Variants in PTPRN2 observed in about 807,000 individuals in gnomAD.
PTPRN2 encodes the protein protein tyrosine phosphatase receptor type N2, also known as receptor-type tyrosine-protein phosphatase N2.
In PTPRN2, 74 loss-of-function variants were observed where a neutral mutation model predicts 118.8. The ratio of observed to expected loss-of-function variants is 0.62; its 90% CI spans 0.52 to 0.76. PTPRN2 has a LOEUF of 0.76. Among genes scored for constraint, PTPRN2 ranks in the 30% least tolerant of loss-of-function variants. The probability of loss-of-function intolerance (pLI) is 0.00; values close to 1 mark genes in which losing one functional copy is unlikely to be tolerated. For missense variants in PTPRN2, 1,481 were observed against 1,394.4 expected (o/e 1.06, Z -0.99); for synonymous variants, 641 against 608.0 (o/e 1.05, Z -0.80).
chr7:158,235,752 G>A (rs1353201598), intron 3 of PTPRN2, among the ~76,000 whole-genome samples: 3 of 152,028 alleles, frequency 2.0e-5, no homozygotes, highest in African/African-American at 7.2e-5. Context: ...ACTGTTCCTG[G>A]CACAAAGAAA....
At chr7:157,691,077 C>G (rs1489371648) in intron 12 of PTPRN2, among the ~76,000 whole-genome samples, 1 of 122,320 alleles carries the variant, frequency 8.2e-6, no homozygotes. Context: ...TCCCCCCCCC[C>G]CCCCACATGT....
At chr7:157,693,089 C>A (rs1200366824) in intron 12 of PTPRN2, among the ~76,000 whole-genome samples, 1 of 148,820 alleles carries the variant, frequency 6.7e-6, no homozygotes, top group African/African-American at 2.5e-5. Flanking sequence ...GGCGGGGGGC[C>A]GGAGACGGCG....
chr7:157,572,590 C>T (rs1275738680), intron 19 of PTPRN2, among the ~76,000 whole-genome samples: 1 of 152,186 alleles, frequency 6.6e-6, no homozygotes, highest in Non-Finnish European at 1.5e-5. Flanking sequence ...TACGGCGGAG[C>T]CCAAACCACA....
At chr7:158,183,429 C>T (rs920574046) in intron 5 of PTPRN2, among the ~76,000 whole-genome samples, 1 of 152,140 alleles carries the variant, frequency 6.6e-6, no homozygotes, top group Non-Finnish European at 1.5e-5. Context: ...CTTCCCACTC[C>T]CCCCTGGGTT....
chr7:157,577,264 C>G (rs1800107231), intron 18 of PTPRN2, among the ~76,000 whole-genome samples: 1 of 152,152 alleles, frequency 6.6e-6, no homozygotes, highest in Non-Finnish European at 1.5e-5. Context: ...GATGTGAACC[C>G]CAGCGCAGGC....
At chr7:158,062,916 C>T (rs774460298) in intron 11 of PTPRN2, among the ~76,000 whole-genome samples, 9 of 152,258 alleles carry the variant, frequency 5.9e-5, no homozygotes, top group South Asian at 2.1e-4. Context: ...TGCTCCGCGG[C>T]GCCCAGTCCC....
At chr7:157,775,036 C>T (rs1477387999) in intron 12 of PTPRN2, among the ~76,000 whole-genome samples, 2 of 152,168 alleles carry the variant, frequency 1.3e-5, no homozygotes, top group Admixed American at 6.5e-5. Flanking sequence ...ATCCTAACTG[C>T]TGTCAGCAGA....
intron 12 of PTPRN2, among the ~76,000 whole-genome samples, chr7:157,890,534 C>T (rs1028136706): frequency 7.9e-5 from 12 of 152,244 alleles, no homozygotes; most frequent in African/African-American, 2.4e-4. Flanking sequence ...CCCAGCTACT[C>T]GGGAGGCTGA....
chr7:157,764,451 G>C lies in PTPRN2; in HGVS notation c.1789-81514C>G, dbSNP rs911621050. Among the ~76,000 whole-genome samples, 1 of 152,198 alleles carries C rather than the reference G, an allele frequency of 6.6e-6. No homozygotes were observed. Among genetic ancestry groups the C allele is most frequent in the African/African-American group, 2.4e-5 (1 of 41,460 alleles). ...TACAACATGGATGAACCTTGAAGAT[G>C]TTATGCTAAGTGAAATAAGCCAGTC... On this transcript the variant is annotated intron_variant, in intron 12 of 22. Transcript: ENST00000389418. The surrounding 1 kb of genome is among the most constrained non-coding windows in gnomAD (Gnocchi z 4.5).
chr7:158,227,365 T>C (rs1217632345), intron 3 of PTPRN2, among the ~76,000 whole-genome samples: 1 of 152,104 alleles, frequency 6.6e-6, no homozygotes, highest in African/African-American at 2.4e-5. Flanking sequence ...TACTGAGAGA[T>C]AAATCAGAGT....
intron 21 of PTPRN2, among the ~76,000 whole-genome samples, chr7:157,564,952 C>T (rs568399948): frequency 6.6e-6 from 1 of 152,354 alleles, no homozygotes; most frequent in South Asian, 2.1e-4. Flanking sequence ...TCCATCCATG[C>T]CATGGAATAT....
intron 12 of PTPRN2, among the ~76,000 whole-genome samples, chr7:157,838,216 A>G (rs1430978712): frequency 7.6e-6 from 1 of 131,118 alleles, no homozygotes; most frequent in Non-Finnish European, 1.6e-5. Flanking sequence ...CCTCTCCACT[A>G]TGCCTACTCC....
At chr7:157,876,474 A>T (rs77483573) in intron 12 of PTPRN2, among the ~76,000 whole-genome samples, 1,734 of 152,240 alleles carry the variant, frequency 0.011, 34 homozygotes, top group African/African-American at 0.039. Context: ...CCTTAGAAAA[A>T]AGTACTGTTG....
intron 12 of PTPRN2, among the ~76,000 whole-genome samples, chr7:157,844,070 C>T (rs1808624060): frequency 1.3e-5 from 2 of 151,430 alleles, no homozygotes; most frequent in Non-Finnish European, 3.0e-5. Context: ...AACGCAGGCC[C>T]CTCCACGTCG....
In PTPRN2 at chr7:157,949,521, A is replaced by T. The variant is rs568451881; in HGVS notation, c.1724-50784T>A. On this transcript the variant is annotated intron_variant, in intron 11 of 22. Coordinates refer to ENST00000389418, the MANE Select transcript of PTPRN2 (RefSeq NM_002847.5). ...TAAATATTTACTGAAGGCATCACTAAGCATGGAGTTGAACATCATTGAGGG... is the reference window on the plus strand; with the variant it reads ...TAAATATTTACTGAAGGCATCACTATGCATGGAGTTGAACATCATTGAGGG... Among the ~76,000 whole-genome samples the T allele has an allele frequency of 2.6e-5, 4 of 152,246 alleles. No homozygotes were observed. In the South Asian group the frequency reaches 8.3e-4, roughly 32 times the overall value.
At chr7:157,781,104 C>T (rs779562664) in intron 12 of PTPRN2, among the ~76,000 whole-genome samples, 14 of 152,238 alleles carry the variant, frequency 9.2e-5, no homozygotes, top group Non-Finnish European at 1.8e-4. Flanking sequence ...GGGCTCCCTT[C>T]GCCTGGCTGT....
chr7:158,346,504 T>A (rs1251340476), intron 2 of PTPRN2, among the ~76,000 whole-genome samples: 2 of 152,238 alleles, frequency 1.3e-5, no homozygotes, highest in Non-Finnish European at 2.9e-5. Context: ...CACTGTGTCT[T>A]TATCCATCCA....
Position 158,415,698 on chromosome 7 carries a change from G to A in PTPRN2, c.163+74037C>T, listed in dbSNP as rs538373324. On this transcript the variant is annotated intron_variant, in intron 2 of 22. Transcript: ENST00000389418. ...AATGGCTCATTAATATCCCATACAC[G>A]CAAATCCTCGTCAAAGACCCTCAAT... is the stretch of plus-strand genomic sequence containing the variant. Among the ~76,000 whole-genome samples, 8 of 151,850 alleles carry A rather than the reference G, an allele frequency of 5.3e-5. No homozygotes were observed. In the South Asian group the frequency reaches 6.3e-4, roughly 12 times the overall value.
At position 158,179,675 on chromosome 7, in the gene PTPRN2, A is replaced by G. The variant is rs143025867; in HGVS notation, c.550-12384T>C. On this transcript the variant is annotated intron_variant, in intron 5 of 22. Coordinates refer to ENST00000389418, the MANE Select transcript of PTPRN2 (RefSeq NM_002847.5). ...TTGATTTTTGTATAAGGTAAGAGAT[A>G]ATGAGGTAGGAGGCAGGACTCAACT... Among the ~76,000 whole-genome samples, 260 of 152,276 alleles carry G rather than the reference A, an allele frequency of 1.7e-3. 2 individuals carry two copies. Among genetic ancestry groups the G allele is most frequent in the African/African-American group, 6.0e-3 (249 of 41,572 alleles).
Sources: gnomAD v4.1 joint callset for allele counts (sites outside exome capture counted in the v4.1 genomes callset) on GRCh38, gnomAD v4.1.1 for gene constraint, Gnocchi (gnomAD v3.1) non-coding constraint, MANE v1.5 for transcripts, NCBI Gene and HGNC (gene_info 2026-07-23, HGNC 2026-07-21) for gene names.